Variants in HMBOX1 observed in about 807,000 individuals in gnomAD.
The protein encoded by HMBOX1 is homeobox-containing protein 1.
In HMBOX1, 14 loss-of-function variants were observed where a neutral mutation model predicts 54.5. The ratio of observed to expected loss-of-function variants is 0.26; its 90% confidence interval spans 0.17 to 0.40. The LOEUF (loss-of-function observed/expected upper bound fraction) is 0.40, where lower values mean the gene tolerates loss of function less well. Among genes scored for constraint, HMBOX1 ranks in the 10% least tolerant of loss-of-function variants. The pLI, the probability that HMBOX1 is intolerant of heterozygous loss-of-function variation, is 1.00. For missense variants in HMBOX1, 332 were observed against 514.4 expected (o/e 0.65, Z 3.43); for synonymous variants, 160 against 181.0 (o/e 0.88, Z 0.93).
chr8:29,048,676 C>A (rs1805973741), intron 8 of HMBOX1: 1 of 326,626 alleles, frequency 3.1e-6, no homozygotes, highest in Non-Finnish European at 5.8e-6. Context: ...TCTATAGAAC[C>A]CCAAGATAGG....
intron 3 of HMBOX1, among the ~76,000 whole-genome samples, chr8:28,973,485 C>T (rs1285242220): frequency 6.6e-6 from 1 of 152,134 alleles, no homozygotes; most frequent in Non-Finnish European, 1.5e-5. Flanking sequence ...AATCACTTAC[C>T]ACATGAATTT....
At chr8:28,963,352 A>G (rs1382107276) in intron 1 of HMBOX1, among the ~76,000 whole-genome samples, 4 of 152,084 alleles carry the variant, frequency 2.6e-5, no homozygotes, top group Non-Finnish European at 5.9e-5. Context: ...AGAATATACA[A>G]ATATGAAAGG....
At chr8:29,027,953 T>C (rs10503836) in intron 6 of HMBOX1, among the ~76,000 whole-genome samples, 65,423 of 152,044 alleles carry the variant, frequency 0.43, 15,450 homozygotes, top group Non-Finnish European at 0.53. Flanking sequence ...TTTTTGTTAT[T>C]AAATTCTGTC....
intron 4 of HMBOX1, among the ~76,000 whole-genome samples, chr8:28,980,981 G>A (rs1829242970): frequency 6.6e-6 from 1 of 152,018 alleles, no homozygotes; most frequent in South Asian, 2.1e-4. Flanking sequence ...GTGAATTTGG[G>A]CTTTTTAGCC....
At chr8:28,983,878 A>G (rs966075209) in intron 4 of HMBOX1, among the ~76,000 whole-genome samples, 1 of 152,148 alleles carries the variant, frequency 6.6e-6, no homozygotes, top group Non-Finnish European at 1.5e-5. Flanking sequence ...ATGATTGATA[A>G]CCATATTGGT....
chr8:29,019,292 A>G (rs1391668756), intron 6 of HMBOX1, among the ~76,000 whole-genome samples: 1 of 152,224 alleles, frequency 6.6e-6, no homozygotes, highest in Non-Finnish European at 1.5e-5. Flanking sequence ...TCCTTTAATA[A>G]GGAGTATGGT....
intron 1 of HMBOX1, among the ~76,000 whole-genome samples, chr8:28,920,880 A>G (rs1817438076): frequency 6.6e-6 from 1 of 152,238 alleles, no homozygotes; most frequent in Admixed American, 6.5e-5. Flanking sequence ...TTTACTTTAT[A>G]TCTGACTTAA....
rs534511231 is a variant in HMBOX1 at position 29,020,480 on chromosome 8, C to T, written c.851+1567C>T. Among the ~76,000 whole-genome samples the T allele has an allele frequency of 8.1e-4, 123 of 152,172 alleles. 1 individual carries two copies. The highest frequency in any genetic ancestry group is 1.9e-3 in the African/African-American group (77 of 41,522). ...AGCAAGAATTAGTCACAGAATCACA[C>T]GGAATTTTAATTAAAAAGATATTGA... On this transcript the variant is annotated intron_variant, in intron 6 of 9. Coordinates refer to ENST00000287701, the MANE Select transcript of HMBOX1 (RefSeq NM_001135726.3).
chr8:29,048,212 T>C (rs975129307), intron 8 of HMBOX1, among the ~76,000 whole-genome samples: 1 of 152,178 alleles, frequency 6.6e-6, no homozygotes, highest in Admixed American at 6.5e-5. Flanking sequence ...AAGGCAGAGA[T>C]AAAGAGCATT....
At chr8:28,995,874 G>T (rs191500855) in intron 4 of HMBOX1, among the ~76,000 whole-genome samples, 4 of 152,048 alleles carry the variant, frequency 2.6e-5, no homozygotes, top group Non-Finnish European at 5.9e-5. Flanking sequence ...AGGCCGCGGC[G>T]GGTGGATCAC....
chr8:28,989,579 A>G (rs1319554273), intron 4 of HMBOX1, among the ~76,000 whole-genome samples: 1 of 152,216 alleles, frequency 6.6e-6, no homozygotes, highest in Non-Finnish European at 1.5e-5. Context: ...CTTTATGTCT[A>G]TCCTTATACC....
chr8:28,947,893 T>C (rs769828319), intron 1 of HMBOX1, among the ~76,000 whole-genome samples: 6 of 152,154 alleles, frequency 3.9e-5, no homozygotes, highest in Non-Finnish European at 8.8e-5. Context: ...CTTTGTCCCT[T>C]ATATCTACAT....
chr8:28,928,324 G>C (rs911579612), intron 1 of HMBOX1, among the ~76,000 whole-genome samples: 1 of 152,138 alleles, frequency 6.6e-6, no homozygotes, highest in Non-Finnish European at 1.5e-5. Flanking sequence ...ACCAATCAAA[G>C]CAGAAGCCCA....
At chr8:28,911,190 T>A (rs182256496) in intron 1 of HMBOX1, among the ~76,000 whole-genome samples, 1 of 152,328 alleles carries the variant, frequency 6.6e-6, no homozygotes, top group East Asian at 1.9e-4. Context: ...TAAATAGATG[T>A]TAGGAAGCTC....
chr8:29,007,036 C>T (rs1030679046), intron 4 of HMBOX1, among the ~76,000 whole-genome samples: 1 of 152,104 alleles, frequency 6.6e-6, no homozygotes, highest in Non-Finnish European at 1.5e-5. Flanking sequence ...TGCCCATAAT[C>T]CTGGCACTTT....
chr8:28,964,641 G>A (rs971266595), intron 2 of HMBOX1, among the ~76,000 whole-genome samples: 6 of 151,986 alleles, frequency 3.9e-5, no homozygotes, highest in South Asian at 2.1e-4. Flanking sequence ...AATTCCTTCC[G>A]TTTTGGTTGA....
intron 4 of HMBOX1, among the ~76,000 whole-genome samples, chr8:28,999,081 C>T (rs1161948275): frequency 6.6e-6 from 1 of 152,084 alleles, no homozygotes; most frequent in African/African-American, 2.4e-5. Flanking sequence ...TACTGTCACT[C>T]TTATTTCTTC....
chr8:28,989,368 G>A (rs1423722513), intron 4 of HMBOX1, among the ~76,000 whole-genome samples: 5 of 152,008 alleles, frequency 3.3e-5, no homozygotes, highest in Non-Finnish European at 7.4e-5. Context: ...CTTACATTAG[G>A]TCAATGGACC....
In HMBOX1 at chr8:28,970,981, GACACACACACACACACACACAC is replaced by G. The variant is rs10554708; in HGVS notation, c.500+490_500+511del. On this transcript the variant is annotated intron_variant, in intron 3 of 9. Coordinates refer to ENST00000287701, the MANE Select transcript of HMBOX1 (RefSeq NM_001135726.3). The surrounding 1 kb of genome is among the most constrained non-coding windows in gnomAD (Gnocchi z 4.3). ...ATAGGTTCTAATTTTAGCAATAGAT[GACACACACACACACACACACAC>G]ACACACACACACACACACACACACA... Among the ~76,000 whole-genome samples the G allele has an allele frequency of 1.9e-3, 253 of 132,048 alleles. No homozygotes were observed. Among genetic ancestry groups the G allele is most frequent in the Non-Finnish European group, 3.1e-3 (196 of 62,716 alleles). 86.6% of individuals were successfully genotyped at this position (132,048 alleles called of 152,430 possible). A position where few individuals can be genotyped will look rare whatever the true frequency, so the allele number is the denominator to read the frequency against.
Sources: allele counts gnomAD v4.1 joint callset (sites outside exome capture counted in the v4.1 genomes callset), GRCh38; gene constraint gnomAD v4.1.1; non-coding constraint Gnocchi (gnomAD v3.1); transcripts MANE v1.5; gene names NCBI Gene and HGNC (gene_info 2026-07-23, HGNC 2026-07-21).